Variants in UNC13C observed in about 807,000 individuals in gnomAD.
UNC13C encodes the protein unc-13 homolog C, also known as protein unc-13 homolog C.
Under a neutral mutation model 245.4 loss-of-function variants are expected in UNC13C, and 174 were observed. The observed-to-expected ratio is 0.71, with a 90% confidence interval of 0.63 to 0.80. UNC13C has a LOEUF of 0.80. UNC13C is among the 30% of genes least tolerant of loss of function. The pLI is 0.00. For missense variants in UNC13C, 2,829 were observed against 2,602.9 expected (o/e 1.09, Z -1.89); for synonymous variants, 992 against 895.1 (o/e 1.11, Z -1.93).
chr15:54,180,746 G>C (rs1186318920), intron 4 of UNC13C, among the ~76,000 whole-genome samples: 1 of 149,064 alleles, frequency 6.7e-6, no homozygotes, highest in African/African-American at 2.6e-5. Context: ...TTGACGATTA[G>C]TGATGATGAA....
At chr15:54,299,756 T>A (rs1020367014) in intron 12 of UNC13C, among the ~76,000 whole-genome samples, 6 of 152,132 alleles carry the variant, frequency 3.9e-5, no homozygotes, top group African/African-American at 1.4e-4. Flanking sequence ...CTAACTAACC[T>A]CTCAGCTGCA....
intron 8 of UNC13C, among the ~76,000 whole-genome samples, chr15:54,256,081 A>G (rs536008641): frequency 1.3e-5 from 2 of 152,324 alleles, no homozygotes; most frequent in Non-Finnish European, 2.9e-5. Flanking sequence ...TCTGACTTCC[A>G]GTCTTATTGC....
At chr15:53,941,348 A>G in the UNC13C span, among the ~76,000 whole-genome samples, 1 of 152,226 alleles carries the variant, frequency 6.6e-6, no homozygotes, top group Non-Finnish European at 1.5e-5. Flanking sequence ...AAACCATAGA[A>G]GAAAATCTAG....
chr15:54,620,298 C>T (rs1489528938), intron 30 of UNC13C, among the ~76,000 whole-genome samples: 5 of 152,074 alleles, frequency 3.3e-5, no homozygotes. Context: ...AAATGGAAGA[C>T]CGCCGACAAG....
At chr15:54,549,438 C>A (rs1896634870) in intron 27 of UNC13C, among the ~76,000 whole-genome samples, 197 bp from the exon 28 acceptor site, 1 of 152,108 alleles carries the variant, frequency 6.6e-6, no homozygotes, top group South Asian at 2.1e-4. Flanking sequence ...AAGTGGGACA[C>A]CTATGAGGAC....
At chr15:53,951,457 A>T in the UNC13C span, among the ~76,000 whole-genome samples, 1 of 152,236 alleles carries the variant, frequency 6.6e-6, no homozygotes, top group African/African-American at 2.4e-5. Context: ...TTACAGATTA[A>T]TTAAAACCTA....
At chr15:54,195,549 C>T (rs910408371) in intron 4 of UNC13C, among the ~76,000 whole-genome samples, 1 of 152,096 alleles carries the variant, frequency 6.6e-6, no homozygotes, top group African/African-American at 2.4e-5. Context: ...CATAGATAGA[C>T]AATGAATACA....
At chr15:53,989,279 AC>A (rs1448564889) in intron 1 of UNC13C, among the ~76,000 whole-genome samples, 11 of 152,004 alleles carry the variant, frequency 7.2e-5, no homozygotes, top group African/African-American at 2.7e-4. Flanking sequence ...AACCTCAATT[AC>A]AGTCCTGGAA....
At chr15:53,856,509 T>C in the UNC13C span, among the ~76,000 whole-genome samples, 1 of 152,276 alleles carries the variant, frequency 6.6e-6, no homozygotes, top group South Asian at 2.1e-4. Flanking sequence ...TTCTCATTAG[T>C]TTCATAGAAT....
At chr15:54,279,951 CAG>C (rs527949135) in intron 10 of UNC13C, among the ~76,000 whole-genome samples, 187 of 152,138 alleles carry the variant, frequency 1.2e-3, no homozygotes, top group African/African-American at 4.4e-3. Flanking sequence ...AAATATTAAA[CAG>C]TAAAAATTCT....
chr15:54,606,522 G>T (rs574882608), intron 30 of UNC13C, among the ~76,000 whole-genome samples: 2 of 152,252 alleles, frequency 1.3e-5, no homozygotes, highest in Admixed American at 6.5e-5. Context: ...CTTGAGCTAT[G>T]CAAGTGCATT....
chr15:54,473,866 A>G (rs1392431708), intron 19 of UNC13C, among the ~76,000 whole-genome samples: 1 of 150,770 alleles, frequency 6.6e-6, no homozygotes, highest in Non-Finnish European at 1.5e-5. Context: ...CCAGTTTCTC[A>G]TCATCTTTCC....
chr15:54,126,711 G>C (rs1337462707), intron 2 of UNC13C, among the ~76,000 whole-genome samples: 1 of 152,106 alleles, frequency 6.6e-6, no homozygotes, highest in Non-Finnish European at 1.5e-5. Context: ...TGACAAATAG[G>C]ATCTAATGAA....
intron 13 of UNC13C, among the ~76,000 whole-genome samples, chr15:54,318,132 C>CTGAT (rs2038057385): frequency 6.6e-6 from 1 of 151,922 alleles, no homozygotes; most frequent in African/African-American, 2.4e-5. Flanking sequence ...CATTCATCTA[C>CTGAT]TGATAGATAC....
chr15:54,021,990 G>A (rs1048505701), intron 2 of UNC13C, among the ~76,000 whole-genome samples: 14 of 152,204 alleles, frequency 9.2e-5, no homozygotes, highest in Non-Finnish European at 1.5e-4. Flanking sequence ...TACCATTTAC[G>A]TTTGTCTAAG....
At chr15:54,358,198 A>G (rs993607696) in intron 17 of UNC13C, among the ~76,000 whole-genome samples, 1 of 151,976 alleles carries the variant, frequency 6.6e-6, no homozygotes, top group African/African-American at 2.4e-5. Context: ...TTATGCCATT[A>G]CCATGCTGTT....
intron 31 of UNC13C, 65 bp downstream of exon 31, chr15:54,622,484 C>T: frequency 8.3e-7 from 1 of 1,200,676 alleles, no homozygotes; most frequent in Non-Finnish European, 1.2e-6. Context: ...CTGATATCAG[C>T]AATGTAACTT....
the UNC13C span, among the ~76,000 whole-genome samples, chr15:53,884,101 TGTTACGATG>T: frequency 1.4e-5 from 1 of 72,480 alleles, no homozygotes; most frequent in Admixed American, 1.8e-4. Flanking sequence ...CCATCATTGT[TGTTACGATG>T]GTTAACAAAA....
At chr15:54,436,879 T>C (rs1342576518) in intron 19 of UNC13C, among the ~76,000 whole-genome samples, 6 of 151,798 alleles carry the variant, frequency 4.0e-5, no homozygotes, top group Non-Finnish European at 5.9e-5. Flanking sequence ...ATAGAAAAAA[T>C]GCATTTTTGC....
Sources: gnomAD v4.1 joint callset for allele counts (sites outside exome capture counted in the v4.1 genomes callset) on GRCh38, gnomAD v4.1.1 for gene constraint, MANE v1.5 for transcripts, NCBI Gene and HGNC (gene_info 2026-07-23, HGNC 2026-07-21) for gene names.